The following AGAP3 variants were observed in gnomAD, a reference collection of about 807,000 sequenced individuals.
The protein encoded by AGAP3 is arf-GAP with GTPase, ANK repeat and PH domain-containing protein 3.
AGAP3 carries 24 observed loss-of-function variants against 96.9 expected under a neutral mutation model. The observed-to-expected ratio is 0.25, with a 90% CI of 0.18 to 0.35. AGAP3 has a LOEUF of 0.35. Among genes scored for constraint, AGAP3 ranks in the 10% least tolerant of loss-of-function variants. The probability of loss-of-function intolerance (pLI) is 1.00; values close to 1 mark genes in which losing one functional copy is unlikely to be tolerated. For missense variants in AGAP3, 876 were observed against 1,254.2 expected (o/e 0.70, Z 4.55); for synonymous variants, 563 against 536.1 (o/e 1.05, Z -0.69).
intron 1 of AGAP3, among the ~76,000 whole-genome samples, chr7:151,091,934 G>A (rs1013573765): frequency 6.6e-6 from 1 of 152,198 alleles, no homozygotes; most frequent in Non-Finnish European, 1.5e-5. Flanking sequence ...AGATAACGGA[G>A]GCAGGAGAAC....
chr7:151,130,110 T>G (rs1800346196), intron 10 of AGAP3, among the ~76,000 whole-genome samples: 1 of 152,216 alleles, frequency 6.6e-6, no homozygotes, highest in African/African-American at 2.4e-5. Flanking sequence ...TGGGCCTGTT[T>G]GAAATGTCCA....
chr7:151,118,442 G>A lies in AGAP3; in HGVS notation c.842-63G>A, dbSNP rs189375641. On this transcript the variant is annotated intron_variant, in intron 6 of 17. Coordinates refer to ENST00000397238, the MANE Select transcript of AGAP3 (RefSeq NM_031946.7). This position sits in a 1 kb window ranked among gnomAD's most constrained non-coding sequence, Gnocchi z 6.1. ...GAGCAAGGCTGTGTGTCTGGGGGGA[G>A]GTGCTAAGCCAGGCTTTTCCCTTCT... 893 of 1,601,278 alleles carry A rather than the reference G, an allele frequency of 5.6e-4. 9 individuals carry two copies. The African/African-American group carries it at 0.011, about 19-fold the overall frequency.
Position 151,128,223 on chromosome 7 carries a change from T to C in AGAP3, c.1222-357T>C, listed in dbSNP as rs1800258617. On this transcript the variant is annotated intron_variant, in intron 9 of 17. Coordinates refer to ENST00000397238, the MANE Select transcript of AGAP3 (RefSeq NM_031946.7). ...ATCTACACCCCTGAGCGTCTACTCC[T>C]GGCCGTCTATACCCCTGACTGTCTA... is the stretch of plus-strand genomic sequence containing the variant. 1.2e-5 allele frequency: 3 copies of C among 243,856 alleles called. No homozygotes were observed. In the Admixed American group the frequency reaches 1.4e-4, roughly 11 times the overall value. 15.1% of individuals were successfully genotyped at this position (243,856 alleles called of 1,614,324 possible). A position where few individuals can be genotyped will look rare whatever the true frequency, so the allele number is the denominator to read the frequency against.
intron 1 of AGAP3, among the ~76,000 whole-genome samples, chr7:151,092,535 C>T (rs1414260258): frequency 3.3e-5 from 5 of 152,150 alleles, no homozygotes; most frequent in Non-Finnish European, 7.3e-5. Context: ...GCTTTGAGGG[C>T]GCAGAGATTG....
At position 151,143,420 on chromosome 7, in the gene AGAP3, C is replaced by CT; in HGVS notation, c.2354dup (p.Gln787AlafsTer11). On this transcript the variant is annotated frameshift_variant, in exon 17 of 18. Transcript: ENST00000397238. LOFTEE classifies it high-confidence loss of function. This position sits in a 1 kb window ranked among gnomAD's most constrained non-coding sequence, Gnocchi z 5.9. The stretch of plus-strand genomic sequence containing the variant: ...CCCACTGCCAAGCTCAGATGTGCCA[C>CT]TGGGGCAGCAGCTGCTCCGGGCCGT... 1 of 1,614,238 alleles carries CT rather than the reference C, an allele frequency of 6.2e-7. No homozygotes were observed. The highest frequency in any genetic ancestry group is 8.5e-7 in the Non-Finnish European group (1 of 1,180,048).
chr7:151,113,159 G>C (rs903703975), intron 1 of AGAP3, among the ~76,000 whole-genome samples: 1 of 152,192 alleles, frequency 6.6e-6, no homozygotes, highest in Non-Finnish European at 1.5e-5. Flanking sequence ...GGGAAGTCAA[G>C]GCAGAATGTG....
chr7:151,129,052 G>A (rs1453591782), intron 10 of AGAP3, among the ~76,000 whole-genome samples: 3 of 152,192 alleles, frequency 2.0e-5, no homozygotes, highest in East Asian at 3.9e-4. Flanking sequence ...GGAGGACCAG[G>A]GCTGTTGAGA....
chr7:151,138,778 G>A (rs375887455), intron 12 of AGAP3, among the ~76,000 whole-genome samples: 19 of 152,176 alleles, frequency 1.2e-4, no homozygotes, highest in South Asian at 4.1e-4. Context: ...TGTGAGCCAC[G>A]TTCCGAAGGC....
intron 11 of AGAP3, among the ~76,000 whole-genome samples, chr7:151,134,959 C>A (rs1305222380): frequency 6.6e-6 from 1 of 152,148 alleles, no homozygotes; most frequent in Non-Finnish European, 1.5e-5. Context: ...ACGGAGCTGT[C>A]TGAGGTCAAC....
At position 151,138,997 on chromosome 7, in the gene AGAP3, T is replaced by C. The variant is rs577697502; in HGVS notation, c.1666+684T>C. On this transcript the variant is annotated intron_variant, in intron 12 of 17. Transcript: ENST00000397238. ...GTTCTCTTTCTCTCTCTGCTTTTCT[T>C]CTTTTGACCCTACTTGTTACTTTCA... 3.3e-5 allele frequency among the ~76,000 whole-genome samples: 5 copies of C among 152,348 alleles called. No homozygotes were observed. In the South Asian group the frequency reaches 1.0e-3, roughly 32 times the overall value.
At chr7:151,116,932 T>C in intron 2 of AGAP3, 81 bp downstream of exon 2, 1 of 1,580,600 alleles carries the variant, frequency 6.3e-7, no homozygotes, top group Non-Finnish European at 8.7e-7. Context: ...GCCTTGCTTC[T>C]CCGGCTTCTG....
intron 9 of AGAP3, among the ~76,000 whole-genome samples, chr7:151,126,902 G>A (rs1204517063): frequency 2.0e-5 from 3 of 152,236 alleles, no homozygotes; most frequent in Non-Finnish European, 4.4e-5. Flanking sequence ...GTCTGCACAT[G>A]GCCATGTACT....
chr7:151,115,133 GC>G, intron 1 of AGAP3: 7 of 1,040,288 alleles, frequency 6.7e-6, no homozygotes, highest in Admixed American at 5.5e-5. Flanking sequence ...CGACTCCGCG[GC>G]CCCGGCCGGC....
At chr7:151,104,597 A>C (rs1662820967) in intron 1 of AGAP3, among the ~76,000 whole-genome samples, 1 of 152,220 alleles carries the variant, frequency 6.6e-6, no homozygotes, top group African/African-American at 2.4e-5. Flanking sequence ...TGCCCATCAG[A>C]AGCGCCAGGG....
intron 7 of AGAP3, 27 bp from the exon 8 acceptor site, chr7:151,119,960 G>A (rs1388038074): frequency 2.5e-6 from 4 of 1,611,586 alleles, no homozygotes; most frequent in Admixed American, 1.7e-5. Flanking sequence ...ACCCGGAGCT[G>A]CCCTCAGCAG....
chr7:151,093,680 A>G (rs1367912815), intron 1 of AGAP3, among the ~76,000 whole-genome samples: 1 of 152,144 alleles, frequency 6.6e-6, no homozygotes, highest in Non-Finnish European at 1.5e-5. Context: ...TGTTGTGGAA[A>G]ATGCTTTGCT....
intron 1 of AGAP3, among the ~76,000 whole-genome samples, chr7:151,110,526 G>A (rs1162189957): frequency 6.6e-6 from 1 of 152,162 alleles, no homozygotes; most frequent in Non-Finnish European, 1.5e-5. Context: ...ACAGAATAAG[G>A]GGATTGGGTG....
chr7:151,100,797 G>C (rs796876462), intron 1 of AGAP3, among the ~76,000 whole-genome samples: 9 of 152,322 alleles, frequency 5.9e-5, no homozygotes, highest in African/African-American at 2.2e-4. Context: ...AGCTGAGATT[G>C]CACCACTGCA....
At position 151,120,070 on chromosome 7, in the gene AGAP3, C is replaced by A. The variant is rs1200651657; in HGVS notation, c.1053C>A (p.Arg351=). 2 of 1,613,874 alleles carry A rather than the reference C, an allele frequency of 1.2e-6. No individual in the cohort carries two copies. The highest frequency in any genetic ancestry group is 1.7e-6 in the Non-Finnish European group (2 of 1,179,924). ...CCAGCATCAGCCAGCGGGAGCTGCG[C>A]ATCGAGACCATCGCTGCCTCCTCCA... ...STPSISQREL[R]IETIAASSTP... Residue 351 remains arginine (R), a synonymous_variant, in exon 8 of 18, where the codon CGC becomes CGA. Transcript: ENST00000397238.
Sources: gnomAD v4.1 joint callset for allele counts (sites outside exome capture counted in the v4.1 genomes callset) on GRCh38, gnomAD v4.1.1 for gene constraint, Gnocchi (gnomAD v3.1) non-coding constraint, MANE v1.5 for transcripts, NCBI Gene and HGNC (gene_info 2026-07-23, HGNC 2026-07-21) for gene names.